Variants in ANKS1B observed in about 807,000 individuals in gnomAD.
ANKS1B encodes ankyrin repeat and sterile alpha motif domain-containing protein 1B.
Under a neutral mutation model 148.3 loss-of-function variants are expected in ANKS1B, and 36 were observed. That is an observed-to-expected ratio of 0.24 (90% confidence interval 0.19 to 0.32). ANKS1B has a LOEUF of 0.32. Ranked by LOEUF, ANKS1B falls within the 10% of genes least tolerant of loss-of-function variation. ANKS1B has a pLI of 1.00. For missense variants in ANKS1B, 1,157 were observed against 1,542.6 expected, an observed-to-expected ratio of 0.75 and a Z score of 4.19; for synonymous variants, 542 against 560.8, an observed-to-expected ratio of 0.97 and a Z score of 0.47.
chr12:99,694,403 C>T (rs1469680209), intron 8 of ANKS1B, among the ~76,000 whole-genome samples: 4 of 150,286 alleles, frequency 2.7e-5, no homozygotes, highest in Non-Finnish European at 5.9e-5. Flanking sequence ...CATGCCACTA[C>T]ACTCCAGCCT....
At chr12:99,401,571 A>G (rs564856071) in intron 11 of ANKS1B, among the ~76,000 whole-genome samples, 1 of 146,974 alleles carries the variant, frequency 6.8e-6, no homozygotes, top group Non-Finnish European at 1.5e-5. Context: ...AATCATGAAA[A>G]CAAACAAGCT....
chr12:99,159,329 T>A (rs1034567141), intron 14 of ANKS1B, among the ~76,000 whole-genome samples: 26 of 152,142 alleles, frequency 1.7e-4, no homozygotes, highest in African/African-American at 6.3e-4. Flanking sequence ...CGTCACCAGG[T>A]ACTCAGCACA....
At chr12:99,352,666 G>T (rs1248152596) in intron 12 of ANKS1B, among the ~76,000 whole-genome samples, 1 of 151,934 alleles carries the variant, frequency 6.6e-6, no homozygotes, top group African/African-American at 2.4e-5. Flanking sequence ...ATCCCCATCA[G>T]GCAAAAGACC....
chr12:99,679,898 T>C (rs369397877), intron 8 of ANKS1B, among the ~76,000 whole-genome samples: 1 of 152,234 alleles, frequency 6.6e-6, no homozygotes, highest in East Asian at 1.9e-4. Context: ...CATTGTAAAC[T>C]TTTGCTCCAA....
At chr12:99,394,668 C>A (rs558414029) in intron 12 of ANKS1B, among the ~76,000 whole-genome samples, 1 of 152,286 alleles carries the variant, frequency 6.6e-6, no homozygotes, top group South Asian at 2.1e-4. Flanking sequence ...ACAAGACACT[C>A]ACCAAAAGAT....
At chr12:98,782,205 G>C in intron 22 of ANKS1B, 68 bp from the exon 23 acceptor site, 5 of 1,317,032 alleles carry the variant, frequency 3.8e-6, no homozygotes, top group South Asian at 2.6e-5. Flanking sequence ...AGGTGAGAGA[G>C]AGGAAACCAT....
At chr12:98,772,957 T>C (rs918326199) in intron 25 of ANKS1B, 85 bp downstream of exon 25, 75 of 1,474,978 alleles carry the variant, frequency 5.1e-5, no homozygotes, top group Non-Finnish European at 5.9e-5. Flanking sequence ...GCCAAGCTAG[T>C]GTGTTAATTA....
chr12:99,071,644 C>CTTTTTTTTTTTT (rs71646503), intron 16 of ANKS1B, among the ~76,000 whole-genome samples: 1 of 143,144 alleles, frequency 7.0e-6, no homozygotes, highest in Non-Finnish European at 1.5e-5. Flanking sequence ...TAATCTCTCT[C>CTTTTTTTTTTTT]TTTTTTTTTT....
chr12:99,195,516 A>T (rs1164425612), intron 14 of ANKS1B, among the ~76,000 whole-genome samples: 3 of 152,178 alleles, frequency 2.0e-5, no homozygotes, highest in African/African-American at 7.2e-5. Context: ...AAGTTACTTA[A>T]GAAAGAACTT....
intron 24 of ANKS1B, among the ~76,000 whole-genome samples, chr12:98,775,710 C>T (rs1028920412): frequency 9.9e-5 from 15 of 152,074 alleles, no homozygotes; most frequent in African/African-American, 3.6e-4. Flanking sequence ...CTTCAGCCTC[C>T]CAGAGTGCTG....
Position 99,360,783 on chromosome 12 carries a change from A to T in ANKS1B, c.1756+38848T>A, listed in dbSNP as rs1421105406. Among the ~76,000 whole-genome samples the T allele has an allele frequency of 2.0e-5, 3 of 152,294 alleles. No homozygotes were observed. In the East Asian group the frequency reaches 5.8e-4, roughly 29 times the overall value. ...TTGCAAACTTGTGGGCAAGAAATAA[A>T]TCTTTGTTGTTGTAAGCCATTAAGA... is the stretch of plus-strand genomic sequence containing the variant. On this transcript the variant is annotated intron_variant, in intron 12 of 26. Coordinates refer to ENST00000683438, the MANE Select transcript of ANKS1B (RefSeq NM_001352186.2).
chr12:98,750,154 G>A (rs985337922), intron 26 of ANKS1B, among the ~76,000 whole-genome samples: 6 of 152,186 alleles, frequency 3.9e-5, no homozygotes, highest in African/African-American at 1.4e-4. Context: ...GCCCAGGGCT[G>A]GAGATACAGA....
intron 9 of ANKS1B, among the ~76,000 whole-genome samples, chr12:99,651,325 TCACTTTTCAGC>T (rs1290804087): frequency 6.6e-5 from 10 of 152,272 alleles, no homozygotes; most frequent in Non-Finnish European, 1.2e-4. Flanking sequence ...TAACCATAAA[TCACTTTTCAGC>T]AAATAATTTC....
chr12:98,781,316 ACACAC>A, intron 23 of ANKS1B, 113 bp from the exon 24 acceptor site: 2 of 524,798 alleles, frequency 3.8e-6, no homozygotes, highest in Non-Finnish European at 6.7e-6. Flanking sequence ...CAACAACAAC[ACACAC>A]ACACACACAC....
chr12:99,333,648 T>G (rs2088032998), intron 12 of ANKS1B, among the ~76,000 whole-genome samples: 2 of 152,040 alleles, frequency 1.3e-5, no homozygotes, highest in African/African-American at 4.8e-5. Context: ...GTTACAGAAT[T>G]GTTCTCTATT....
chr12:99,257,086 T>C (rs2075351766), intron 12 of ANKS1B, among the ~76,000 whole-genome samples: 1 of 151,958 alleles, frequency 6.6e-6, no homozygotes, highest in Non-Finnish European at 1.5e-5. Context: ...CTACTAAAAA[T>C]ACAAAAAATT....
chr12:99,263,145 A>G (rs903962861), intron 12 of ANKS1B, among the ~76,000 whole-genome samples: 2 of 151,974 alleles, frequency 1.3e-5, no homozygotes, highest in Non-Finnish European at 2.9e-5. Flanking sequence ...TAAGTAACCA[A>G]TCAGGGTTAC....
At chr12:99,743,430 C>G (rs1472457530) in intron 8 of ANKS1B, among the ~76,000 whole-genome samples, 1 of 152,098 alleles carries the variant, frequency 6.6e-6, no homozygotes, top group Non-Finnish European at 1.5e-5. Context: ...ACTTCTAAAA[C>G]TAAGTCTATT....
chr12:99,458,517 GACTA>G (rs1340199867), intron 10 of ANKS1B, among the ~76,000 whole-genome samples: 2 of 151,266 alleles, frequency 1.3e-5, no homozygotes, highest in Non-Finnish European at 3.0e-5. Context: ...CCATTAGCGA[GACTA>G]ACTAAGAAAA....
Sources: allele counts gnomAD v4.1 joint callset (sites outside exome capture counted in the v4.1 genomes callset), GRCh38; gene constraint gnomAD v4.1.1; transcripts MANE v1.5; gene names NCBI Gene and HGNC (gene_info 2026-07-23, HGNC 2026-07-21).